EYA4: variants seen among roughly 807,000 people sequenced by gnomAD.
EYA4 encodes the protein protein phosphatase EYA4.
A neutral mutation model predicts 87.9 loss-of-function variants in EYA4; 31 were observed. The ratio of observed to expected loss-of-function variants is 0.35; its 90% CI spans 0.27 to 0.48. The LOEUF (loss-of-function observed/expected upper bound fraction) is 0.48. Among genes scored for constraint, EYA4 ranks in the 20% least tolerant of loss-of-function variants. The pLI, the probability that EYA4 is intolerant of heterozygous loss-of-function variation, is 0.99. For missense variants in EYA4, 678 were observed against 761.4 expected (o/e 0.89, Z 1.29); for synonymous variants, 263 against 270.6 (o/e 0.97, Z 0.28).
intron 3 of EYA4, among the ~76,000 whole-genome samples, chr6:133,437,684 A>G (rs145676696): frequency 2.6e-5 from 4 of 152,286 alleles, no homozygotes; most frequent in African/African-American, 7.2e-5. Flanking sequence ...GGAAACTTAT[A>G]ATTATGGCAA....
intron 13 of EYA4, among the ~76,000 whole-genome samples, chr6:133,498,908 C>T (rs1017525958): frequency 6.6e-6 from 1 of 152,156 alleles, no homozygotes; most frequent in Non-Finnish European, 1.5e-5. Context: ...AATGACTCTG[C>T]GTGATCTCAT....
At chr6:133,505,419 AT>A (rs1407350048) in intron 13 of EYA4, among the ~76,000 whole-genome samples, 1 of 152,108 alleles carries the variant, frequency 6.6e-6, no homozygotes, top group Non-Finnish European at 1.5e-5. Flanking sequence ...CAAAGCATAT[AT>A]TTTTTACCTG....
intron 13 of EYA4, among the ~76,000 whole-genome samples, chr6:133,483,434 A>G (rs1562473864): frequency 2.0e-5 from 3 of 152,018 alleles, no homozygotes; most frequent in Non-Finnish European, 2.9e-5. Context: ...TTATAAAATC[A>G]TATATTATCC....
chr6:133,316,102 C>T (rs1490326995), intron 2 of EYA4, among the ~76,000 whole-genome samples: 6 of 152,074 alleles, frequency 3.9e-5, no homozygotes, highest in Non-Finnish European at 5.9e-5. Flanking sequence ...GTATACGATA[C>T]GTATGCTGGT....
chr6:133,370,930 T>C (rs1270189718), intron 2 of EYA4, among the ~76,000 whole-genome samples: 1 of 151,878 alleles, frequency 6.6e-6, no homozygotes, highest in African/African-American at 2.4e-5. Context: ...TTAGTGAGGT[T>C]TACCTTCCTT....
At chr6:133,244,477 T>G (rs1384258240) in intron 1 of EYA4, among the ~76,000 whole-genome samples, 1 of 152,090 alleles carries the variant, frequency 6.6e-6, no homozygotes, top group Non-Finnish European at 1.5e-5. Flanking sequence ...TTATTAATTG[T>G]TAAGAAAAAT....
At chr6:133,276,882 G>A (rs1777212683) in intron 2 of EYA4, among the ~76,000 whole-genome samples, 1 of 142,034 alleles carries the variant, frequency 7.0e-6, no homozygotes, top group Non-Finnish European at 1.5e-5. Flanking sequence ...TATGCATATT[G>A]TGGCATTTAT....
chr6:133,299,943 C>A (rs75441709), intron 2 of EYA4, among the ~76,000 whole-genome samples: 11,198 of 135,022 alleles, frequency 0.083, 575 homozygotes, highest in South Asian at 0.12. Context: ...ATCTATCTAT[C>A]TATCTATCTA....
chr6:133,356,629 G>A (rs1181928178), intron 2 of EYA4, among the ~76,000 whole-genome samples: 2 of 152,026 alleles, frequency 1.3e-5, no homozygotes, highest in Admixed American at 6.6e-5. Context: ...TATGAAGCAA[G>A]CCTTATAATA....
chr6:133,253,491 G>T (rs1234631223), intron 1 of EYA4, among the ~76,000 whole-genome samples: 1 of 151,996 alleles, frequency 6.6e-6, no homozygotes, highest in Non-Finnish European at 1.5e-5. Context: ...TGTATAGTGG[G>T]TCCTAATGTG....
intron 5 of EYA4, 145 bp from the exon 6 acceptor site, chr6:133,456,411 A>G: frequency 1.4e-6 from 1 of 704,508 alleles, no homozygotes; most frequent in African/African-American, 1.7e-5. Flanking sequence ...GCCCGTTTAG[A>G]AGCTAAATTA....
At chr6:133,358,081 G>T (rs1018196499) in intron 2 of EYA4, among the ~76,000 whole-genome samples, 1 of 152,108 alleles carries the variant, frequency 6.6e-6, no homozygotes, top group South Asian at 2.1e-4. Context: ...CGAACCTCCC[G>T]ATAGCTTCAT....
intron 2 of EYA4, among the ~76,000 whole-genome samples, chr6:133,379,146 C>A (rs928329462): frequency 2.6e-5 from 4 of 152,026 alleles, no homozygotes; most frequent in African/African-American, 9.7e-5. Flanking sequence ...ATGGTGCATA[C>A]CTGTAGACCC....
intron 3 of EYA4, among the ~76,000 whole-genome samples, chr6:133,410,633 T>TTTTTTTTTTTTTTTTGAGAC (rs1554252061): frequency 6.7e-6 from 1 of 148,720 alleles, no homozygotes; most frequent in Non-Finnish European, 1.5e-5. Context: ...ACTAAGGTCT[T>TTTTTTTTTTTTTTTTGAGAC]AATTCCTTCT....
intron 2 of EYA4, among the ~76,000 whole-genome samples, chr6:133,356,791 GTATATATA>G (rs150806047): frequency 8.9e-6 from 1 of 112,878 alleles, no homozygotes; most frequent in African/African-American, 3.2e-5. Flanking sequence ...GTGTGTGTGT[GTATATATA>G]TATTTTATTT....
intron 2 of EYA4, among the ~76,000 whole-genome samples, chr6:133,356,970 C>T (rs9373051): frequency 0.16 from 24,857 of 151,350 alleles, 2,141 homozygotes; most frequent in East Asian, 0.35. Flanking sequence ...GTTTATTTTC[C>T]ATTATAAAAG....
At chr6:133,348,455 C>T (rs1387843982) in intron 2 of EYA4, among the ~76,000 whole-genome samples, 2 of 151,446 alleles carry the variant, frequency 1.3e-5, no homozygotes, top group African/African-American at 2.4e-5. Flanking sequence ...TTAGCAGAGA[C>T]GGGGTTTCAC....
intron 3 of EYA4, among the ~76,000 whole-genome samples, chr6:133,403,477 AG>A (rs887779854): frequency 2.0e-5 from 3 of 152,202 alleles, no homozygotes; most frequent in African/African-American, 4.8e-5. Context: ...CTTTAACCAC[AG>A]GGGGAAAAAA....
In EYA4 at chr6:133,468,661, C is replaced by T. The variant is rs1053782342; in HGVS notation, c.900C>T (p.Ala300=). The T allele has an allele frequency of 1.3e-5, 21 of 1,613,028 alleles. No individual in the cohort carries two copies. Among genetic ancestry groups the T allele is most frequent in the South Asian group, 7.7e-5 (7 of 91,064 alleles). The stretch of plus-strand genomic sequence containing the variant: ...CGTATATGACATCGAATAACACAGC[C>T]GATGGCACACCCTCTTCAACCTCTA... ...YGAYMTSNNT[A]DGTPSSTSTY... The change falls in exon 11 of 20, where the codon GCC becomes GCT. Residue 300 remains alanine (A), a synonymous_variant. Coordinates refer to ENST00000355286, the MANE Select transcript of EYA4 (RefSeq NM_004100.5).
Sources: gnomAD v4.1 joint callset for allele counts (sites outside exome capture counted in the v4.1 genomes callset) on GRCh38, gnomAD v4.1.1 for gene constraint, MANE v1.5 for transcripts, NCBI Gene and HGNC (gene_info 2026-07-23, HGNC 2026-07-21) for gene names.